ZC3H3: variants seen among roughly 807,000 people sequenced by gnomAD.
ZC3H3 encodes the protein zinc finger CCCH-type containing 3.
Under a neutral mutation model 77.3 loss-of-function variants are expected in ZC3H3, and 36 were observed. The observed-to-expected ratio is 0.47, with a 90% CI of 0.36 to 0.61. ZC3H3 has a LOEUF of 0.61. Ranked by LOEUF, ZC3H3 falls within the 20% of genes least tolerant of loss-of-function variation. The pLI is 0.00. For missense variants in ZC3H3, 1,331 were observed against 1,312.2 expected (o/e 1.01, Z -0.22); for synonymous variants, 626 against 555.2 (o/e 1.13, Z -1.79).
intron 4 of ZC3H3, among the ~76,000 whole-genome samples, chr8:143,500,154 G>A (rs1586928499): frequency 1.3e-5 from 2 of 152,218 alleles, no homozygotes; most frequent in Non-Finnish European, 2.9e-5. Flanking sequence ...CATCCTGGGT[G>A]GGCCTCAGCA....
rs958520361 is a variant in ZC3H3 at position 143,462,539 on chromosome 8, T to A, written c.2307+3178A>T. Among the ~76,000 whole-genome samples the A allele has an allele frequency of 2.0e-5, 3 of 152,130 alleles. No homozygotes were observed. The highest frequency in any genetic ancestry group is 7.2e-5 in the African/African-American group (3 of 41,402). On this transcript the variant is annotated intron_variant, in intron 9 of 11. Transcript: ENST00000262577. The surrounding 1 kb of genome is among the most constrained non-coding windows in gnomAD (Gnocchi z 4.7). The stretch of plus-strand genomic sequence containing the variant: ...GAGGACACAGGAGCCCTTGCAAGCC[T>A]GGAGGATGAAGGCAGGGTGTGCGTG...
chr8:143,476,280 C>T (rs551825286), intron 4 of ZC3H3, among the ~76,000 whole-genome samples: 51 of 152,304 alleles, frequency 3.3e-4, no homozygotes, highest in African/African-American at 1.2e-3. Context: ...TCACAGACCC[C>T]GGGCCAGGCT....
chr8:143,494,338 CG>C lies in ZC3H3; in HGVS notation c.1715+13407del, dbSNP rs1586922096. On this transcript the variant is annotated intron_variant, in intron 4 of 11. Coordinates refer to ENST00000262577, the MANE Select transcript of ZC3H3 (RefSeq NM_015117.3). This position sits in a 1 kb window ranked among gnomAD's most constrained non-coding sequence, Gnocchi z 5.3. ...GAGCGTGAGTGAGCAGCTCAGGCTA[CG>C]GGACCGGTGGCAGCCCGCCAGCCCT... 1.3e-5 allele frequency among the ~76,000 whole-genome samples: 2 copies of C among 152,356 alleles called. No individual in the cohort carries two copies. The highest frequency in any genetic ancestry group is 3.4e-3 in the Middle Eastern group (1 of 294).
intron 4 of ZC3H3, among the ~76,000 whole-genome samples, chr8:143,495,804 T>G (rs1453257844): frequency 2.0e-5 from 3 of 151,000 alleles, no homozygotes; most frequent in Non-Finnish European, 4.4e-5. Flanking sequence ...CGTCTCACTA[T>G]GTTGCCCGAG....
Position 143,468,543 on chromosome 8 carries a change from G to T in ZC3H3, c.1947-3C>A, listed in dbSNP as rs775692484. ...CCAGGCTGCGCTGCACTGCCCGGCTGCAGACGGGGAGAGAGGTGCGTGAGC... is the reference window on the plus strand; with the variant it reads ...CCAGGCTGCGCTGCACTGCCCGGCTTCAGACGGGGAGAGAGGTGCGTGAGC... On this transcript the variant is annotated splice_region_variant and splice_polypyrimidine_tract_variant and intron_variant, in intron 6 of 11. Transcript: ENST00000262577. 1.9e-6 allele frequency: 3 copies of T among 1,606,496 alleles called. No individual in the cohort carries two copies. Among genetic ancestry groups the T allele is most frequent in the Middle Eastern group, 1.7e-4 (1 of 6,010 alleles).
chr8:143,470,365 C>T (rs370448547), intron 5 of ZC3H3, among the ~76,000 whole-genome samples: 12 of 152,282 alleles, frequency 7.9e-5, no homozygotes, highest in Non-Finnish European at 1.0e-4. Context: ...AAACCTGAGG[C>T]GTGTGGGGGG....
chr8:143,471,324 G>T (rs1039698152), intron 5 of ZC3H3, among the ~76,000 whole-genome samples: 3 of 152,252 alleles, frequency 2.0e-5, no homozygotes. Flanking sequence ...AGAAGAGGCA[G>T]TGTGGGGCGG....
At chr8:143,457,547 A>G (rs185689077) in intron 9 of ZC3H3, among the ~76,000 whole-genome samples, 1 of 145,312 alleles carries the variant, frequency 6.9e-6, no homozygotes, top group East Asian at 2.0e-4. Flanking sequence ...CCTGGGCAAC[A>G]TAGCGAGACC....
chr8:143,474,061 G>A (rs754825414), intron 5 of ZC3H3, among the ~76,000 whole-genome samples: 209 of 152,322 alleles, frequency 1.4e-3, no homozygotes, highest in Non-Finnish European at 1.7e-3. Flanking sequence ...TCCCCCAGGG[G>A]CAAAGCCTCA....
intron 4 of ZC3H3, 43 bp downstream of exon 4, chr8:143,507,702 GC>G (rs925490602): frequency 6.7e-7 from 1 of 1,502,106 alleles, no homozygotes; most frequent in African/African-American, 1.4e-5. Context: ...GGGCCAGACA[GC>G]CCAGTTCCCA....
At chr8:143,477,396 A>T (rs1421620741) in intron 4 of ZC3H3, among the ~76,000 whole-genome samples, 1 of 151,596 alleles carries the variant, frequency 6.6e-6, no homozygotes, top group Non-Finnish European at 1.5e-5. Flanking sequence ...CGCCCTGCAC[A>T]CTCCAGCTGC....
Position 143,538,714 on chromosome 8 carries a change from G to T in ZC3H3, c.653C>A (p.Thr218Lys). The T allele has an allele frequency of 6.2e-7, 1 of 1,609,054 alleles. No homozygotes were observed. Residue 218 changes from threonine (T) to lysine (K), a missense_variant, in exon 2 of 12, where the codon ACA becomes AAA. By Grantham distance (78) the Thr-to-Lys change is moderately conservative (BLOSUM62 -1). Transcript: ENST00000262577. ...VGDSPREPRR[T>K]VSESVIAVKA... ...GACGGCAATCACACTCTCACTGACT[G>T]TCCGGCGGGGCTCCCGGGGGCTGTC...
At chr8:143,512,078 C>T (rs945674760) in intron 3 of ZC3H3, among the ~76,000 whole-genome samples, 1 of 152,248 alleles carries the variant, frequency 6.6e-6, no homozygotes, top group Non-Finnish European at 1.5e-5. Context: ...GTGACAGCAG[C>T]GAGCGGCCAG....
intron 9 of ZC3H3, among the ~76,000 whole-genome samples, chr8:143,465,145 A>G (rs538140709): frequency 1.3e-5 from 2 of 152,198 alleles, no homozygotes; most frequent in South Asian, 4.1e-4. Context: ...CATCAGCTAC[A>G]GCCCAGGTCC....
At chr8:143,517,057 C>A (rs1822079822) in intron 3 of ZC3H3, among the ~76,000 whole-genome samples, 1 of 152,224 alleles carries the variant, frequency 6.6e-6, no homozygotes, top group Admixed American at 6.5e-5. Context: ...ACCGAAGCCG[C>A]TGCCGCGGAC....
At chr8:143,520,963 G>C (rs1056308585) in intron 3 of ZC3H3, among the ~76,000 whole-genome samples, 1 of 152,192 alleles carries the variant, frequency 6.6e-6, no homozygotes, top group African/African-American at 2.4e-5. Context: ...AGGGGATCAG[G>C]CTTCATAGCA....
At chr8:143,537,281 C>T in intron 2 of ZC3H3, among the ~76,000 whole-genome samples, 1 of 152,196 alleles carries the variant, frequency 6.6e-6, no homozygotes, top group East Asian at 1.9e-4. Context: ...GCCAAGGGGG[C>T]TGGGACCTAA....
chr8:143,468,482 T>C lies in ZC3H3; in HGVS notation c.2005A>G (p.Arg669Gly). 6.2e-7 allele frequency: 1 copy of C among 1,608,896 alleles called. No homozygotes were observed. The highest frequency in any genetic ancestry group is 8.5e-7 in the Non-Finnish European group (1 of 1,178,390). ...TTGTAGTACATGCAGTACTCCTTCC[T>C]CTTCTCCCTGCGCTGCCGCGCCTGC... ...IRQARQRREK[R>G]KEYCMYYNRF... is the part of the protein sequence containing the mutation. The change falls in exon 7 of 12, where the codon AGG becomes GGG. Residue 669 changes from arginine to glycine, a missense_variant. Transcript: ENST00000262577.
Position 143,531,123 on chromosome 8 carries a change from C to T in ZC3H3, c.1561+5134G>A, listed in dbSNP as rs920627869. Among the ~76,000 whole-genome samples, 6 of 152,282 alleles carry T rather than the reference C, an allele frequency of 3.9e-5. No homozygotes were observed. The East Asian group carries it at 9.6e-4, about 24-fold the overall frequency. ...TACAGGCGTGTGCCACCATGCCCGG[C>T]TAATTCTCGCATTTTTTGTAGAGAT... On this transcript the variant is annotated intron_variant, in intron 3 of 11. Transcript: ENST00000262577.
Sources: allele counts gnomAD v4.1 joint callset (sites outside exome capture counted in the v4.1 genomes callset), GRCh38; gene constraint gnomAD v4.1.1; non-coding constraint Gnocchi (gnomAD v3.1); transcripts MANE v1.5; gene names NCBI Gene and HGNC (gene_info 2026-07-23, HGNC 2026-07-21).